SPMIP7: variants seen among roughly 807,000 people sequenced by gnomAD.
The protein encoded by SPMIP7 is protein SPMIP7.
chr7:50,113,515 T>G, the SPMIP7 span, among the ~76,000 whole-genome samples: 1 of 152,150 alleles, frequency 6.6e-6, no homozygotes, highest in African/African-American at 2.4e-5. Flanking sequence ...ACAAACGGAC[T>G]TCTAGACATG....
chr7:50,148,885 G>A, the SPMIP7 span, among the ~76,000 whole-genome samples: 5 of 152,152 alleles, frequency 3.3e-5, no homozygotes, highest in African/African-American at 9.7e-5. Context: ...GGTGGCTCAC[G>A]TCTGTAATCC....
the SPMIP7 span, among the ~76,000 whole-genome samples, chr7:50,106,966 G>A: frequency 2.0e-5 from 3 of 151,826 alleles, no homozygotes; most frequent in Non-Finnish European, 2.9e-5. Flanking sequence ...GCCAGGCACG[G>A]TGGCTCACAC....
chr7:50,101,057 G>T, the SPMIP7 span, among the ~76,000 whole-genome samples: 3 of 152,158 alleles, frequency 2.0e-5, no homozygotes, highest in African/African-American at 7.2e-5. Flanking sequence ...AAGAAGTGAT[G>T]AATGGTAGCT....
At chr7:50,122,790 T>C in the SPMIP7 span, among the ~76,000 whole-genome samples, 1 of 151,990 alleles carries the variant, frequency 6.6e-6, no homozygotes, top group Non-Finnish European at 1.5e-5. Context: ...AGAAGACATT[T>C]ATGCAGCCAA....
chr7:50,145,245 A>G, the SPMIP7 span, among the ~76,000 whole-genome samples: 1 of 151,702 alleles, frequency 6.6e-6, no homozygotes, highest in East Asian at 1.9e-4. Context: ...CCTGGGTGAC[A>G]GAGGCCCTGT....
the SPMIP7 span, among the ~76,000 whole-genome samples, chr7:50,152,121 G>A: frequency 6.6e-4 from 101 of 152,332 alleles, 1 homozygote; most frequent in African/African-American, 2.2e-3. Context: ...GCTGAGGTGG[G>A]CAGATCACTT....
At chr7:50,134,861 G>A in the SPMIP7 span, among the ~76,000 whole-genome samples, 1 of 152,148 alleles carries the variant, frequency 6.6e-6, no homozygotes, top group Non-Finnish European at 1.5e-5. Flanking sequence ...TTACTCCACT[G>A]ATTAAACCCA....
At chr7:50,141,143 A>G in the SPMIP7 span, 2 of 553,746 alleles carry the variant, frequency 3.6e-6, no homozygotes, top group African/African-American at 1.9e-5. Flanking sequence ...TTCTATCATT[A>G]TGCTTTACAT....
chr7:50,135,303 C>T, the SPMIP7 span, among the ~76,000 whole-genome samples: 105 of 152,262 alleles, frequency 6.9e-4, no homozygotes, highest in African/African-American at 2.3e-3. Flanking sequence ...TCTGGTTAAG[C>T]CCTTGGGCTT....
At chr7:50,101,296 GACCA>G in the SPMIP7 span, among the ~76,000 whole-genome samples, 13 of 152,340 alleles carry the variant, frequency 8.5e-5, no homozygotes, top group African/African-American at 3.1e-4. Flanking sequence ...TCCTGTGAAA[GACCA>G]ACCTATGCCC....
chr7:50,147,377 G>A, the SPMIP7 span, among the ~76,000 whole-genome samples: 3 of 152,152 alleles, frequency 2.0e-5, no homozygotes, highest in Non-Finnish European at 4.4e-5. Context: ...CTTGGTTGGT[G>A]CTGGCCATGA....
chr7:50,135,968 G>T, the SPMIP7 span: 3 of 641,710 alleles, frequency 4.7e-6, no homozygotes, highest in South Asian at 5.6e-5. Flanking sequence ...GCAAAGCTTG[G>T]AGAGTGCGTT....
At chr7:50,118,392 T>G in the SPMIP7 span, among the ~76,000 whole-genome samples, 16 of 152,206 alleles carry the variant, frequency 1.1e-4, no homozygotes, top group Non-Finnish European at 5.9e-5. Context: ...ATAAAATGGT[T>G]CATAACCAAT....
At chr7:50,150,088 A>G in the SPMIP7 span, among the ~76,000 whole-genome samples, 4 of 151,632 alleles carry the variant, frequency 2.6e-5, no homozygotes, top group Non-Finnish European at 5.9e-5. Context: ...TTCAGGAGCA[A>G]CTCCTATAAG....
the SPMIP7 span, chr7:50,141,531 TGTG>T: frequency 1.6e-6 from 1 of 620,160 alleles, no homozygotes; most frequent in Non-Finnish European, 2.9e-6. Flanking sequence ...CTAAAAGAAA[TGTG>T]GTTTGTCACA....
chr7:50,121,932 C>T, the SPMIP7 span, among the ~76,000 whole-genome samples: 1 of 151,320 alleles, frequency 6.6e-6, no homozygotes, highest in East Asian at 1.9e-4. Context: ...GCTGGGATTA[C>T]AGGCATGAGC....
the SPMIP7 span, among the ~76,000 whole-genome samples, chr7:50,127,619 A>C: frequency 6.9e-6 from 1 of 145,164 alleles, no homozygotes; most frequent in African/African-American, 2.5e-5. Flanking sequence ...ATCTTTTTCT[A>C]TATATATATA....
the SPMIP7 span, chr7:50,142,408 C>T: frequency 3.3e-5 from 5 of 152,136 alleles, no homozygotes; most frequent in African/African-American, 1.2e-4. Flanking sequence ...ATATAGCATT[C>T]CTGCCTCATC....
At chr7:50,157,398 T>G in the SPMIP7 span, among the ~76,000 whole-genome samples, 1 of 152,104 alleles carries the variant, frequency 6.6e-6, no homozygotes, top group Non-Finnish European at 1.5e-5. Flanking sequence ...GGCGCAAGTG[T>G]TTTTCTAGCT....
Sources: gnomAD v4.1 joint callset for allele counts (sites outside exome capture counted in the v4.1 genomes callset) on GRCh38, gnomAD v4.1.1 for gene constraint, MANE v1.5 for transcripts, NCBI Gene and HGNC (gene_info 2026-07-23, HGNC 2026-07-21) for gene names.